Variants in MAPKBP1 observed in about 807,000 individuals in gnomAD.
MAPKBP1 encodes the protein mitogen-activated protein kinase-binding protein 1.
Under a neutral mutation model 170.5 loss-of-function variants are expected in MAPKBP1, and 71 were observed. The ratio of observed to expected loss-of-function variants is 0.42; its 90% CI spans 0.34 to 0.51. The LOEUF (loss-of-function observed/expected upper bound fraction) is 0.51, where lower values mean the gene tolerates loss of function less well. Ranked by LOEUF, MAPKBP1 falls within the 20% of genes least tolerant of loss-of-function variation. MAPKBP1 has a pLI of 0.06. For missense variants in MAPKBP1, 1,598 were observed against 1,933.0 expected (o/e 0.83, Z 3.25); for synonymous variants, 719 against 757.9 (o/e 0.95, Z 0.84).
chr15:41,811,951 C>T lies in MAPKBP1; in HGVS notation c.328-6C>T. On this transcript the variant is annotated splice_polypyrimidine_tract_variant and splice_region_variant and intron_variant, in intron 5 of 30. Coordinates refer to ENST00000457542, the MANE Select transcript of MAPKBP1 (RefSeq NM_014994.3). ...GAACTCACTTCCAGTTCTTGCCTCCCTGCAGAGTGGGCACATGCCTGCCGT... is the reference window on the plus strand; with the variant it reads ...GAACTCACTTCCAGTTCTTGCCTCCTTGCAGAGTGGGCACATGCCTGCCGT... The T allele has an allele frequency of 6.2e-7, 1 of 1,614,034 alleles. No individual in the cohort carries two copies. The highest frequency in any genetic ancestry group is 8.5e-7 in the Non-Finnish European group (1 of 1,179,962).
chr15:41,774,828 C>T (rs1263629355), intron 1 of MAPKBP1: 1 of 401,622 alleles, frequency 2.5e-6, no homozygotes, highest in Non-Finnish European at 4.4e-6. Context: ...GCGGAAATCC[C>T]TGGTGGTCTC....
intron 2 of MAPKBP1, among the ~76,000 whole-genome samples, chr15:41,790,880 G>A (rs2152071215): frequency 6.6e-6 from 1 of 152,302 alleles, no homozygotes; most frequent in East Asian, 1.9e-4. Context: ...CCATTCCCAG[G>A]TCTGGTCACT....
At position 41,813,667 on chromosome 15, in the gene MAPKBP1, G is replaced by A. The variant is rs1164031536; in HGVS notation, c.866G>A (p.Cys289Tyr). The change falls in exon 9 of 31, where the codon TGT becomes TAT. Residue 289 changes from cysteine to tyrosine, a missense_variant. Physicochemically the swap from Cys to Tyr is radical, Grantham distance 194. Coordinates refer to ENST00000457542, the MANE Select transcript of MAPKBP1 (RefSeq NM_014994.3). ...CISVSQDYIF[C>Y]GCADGTVRLF... is the part of the protein sequence containing the mutation. Reference sequence around the variant, plus strand: ...TCTGTGAGCCAAGACTACATCTTCTGTGGCTGTGCTGATGGCACCGTGCGC... The same window carrying A: ...TCTGTGAGCCAAGACTACATCTTCTATGGCTGTGCTGATGGCACCGTGCGC... The A allele has an allele frequency of 6.2e-7, 1 of 1,614,036 alleles. No individual in the cohort carries two copies. The highest frequency in any genetic ancestry group is 8.5e-7 in the Non-Finnish European group (1 of 1,180,028).
intron 2 of MAPKBP1, 125 bp downstream of exon 2, chr15:41,775,514 G>A (rs1308810575): frequency 1.4e-6 from 1 of 702,976 alleles, no homozygotes; most frequent in Non-Finnish European, 2.5e-6. Context: ...GATCACATAT[G>A]ATCTCTGCAG....
intron 7 of MAPKBP1, 110 bp downstream of exon 7, chr15:41,812,763 T>G (rs2152078875): frequency 6.8e-7 from 1 of 1,481,024 alleles, no homozygotes. Context: ...CCAGCAGTCA[T>G]GCAGAAGTTT....
chr15:41,811,480 G>C, intron 5 of MAPKBP1: 1 of 691,910 alleles, frequency 1.4e-6, no homozygotes, highest in African/African-American at 1.8e-5. Context: ...TCTGGGATGG[G>C]AGTCTGAAAT....
At chr15:41,790,974 C>A (rs748424272) in intron 2 of MAPKBP1, among the ~76,000 whole-genome samples, 1 of 152,174 alleles carries the variant, frequency 6.6e-6, no homozygotes, top group Non-Finnish European at 1.5e-5. Context: ...AGTGGCAGTT[C>A]TCAGAATCTG....
chr15:41,827,836 T>C lies in MAPKBP1; in HGVS notation c.*2400T>C. 1 of 403,016 alleles carries C rather than the reference T, an allele frequency of 2.5e-6. No individual in the cohort carries two copies. 25.0% of individuals were successfully genotyped at this position (403,016 alleles called of 1,614,324 possible). A position where few individuals can be genotyped will look rare whatever the true frequency, so the allele number is the denominator to read the frequency against. On this transcript the variant is annotated 3_prime_UTR_variant, in exon 31 of 31. Coordinates refer to ENST00000457542, the MANE Select transcript of MAPKBP1 (RefSeq NM_014994.3). ...TTGTACTGATGTATGAACTTGTCAATAAACACAATTGTTTGTTAACCCTGG... is the reference window on the plus strand; with the variant it reads ...TTGTACTGATGTATGAACTTGTCAACAAACACAATTGTTTGTTAACCCTGG...
rs1403574983 is a variant in MAPKBP1, at chr15:41,817,039, C to T, written c.1711+4C>T. 4.4e-6 allele frequency: 7 copies of T among 1,579,204 alleles called. No individual in the cohort carries two copies. Among genetic ancestry groups the T allele is most frequent in the African/African-American group, 2.7e-5 (2 of 74,088 alleles). On this transcript the variant is annotated splice_donor_region_variant and intron_variant, in intron 14 of 30. Transcript: ENST00000457542. This position sits in a 1 kb window ranked among gnomAD's most constrained non-coding sequence, Gnocchi z 4.2. ...ATCACTGCTGTTAAGTTTGCAGGTGCGGGCAGGGTGAATGAGACACATCCT... is the reference window on the plus strand; with the variant it reads ...ATCACTGCTGTTAAGTTTGCAGGTGTGGGCAGGGTGAATGAGACACATCCT...
intron 2 of MAPKBP1, among the ~76,000 whole-genome samples, chr15:41,788,022 A>G (rs1210373087): frequency 6.6e-6 from 1 of 152,114 alleles, no homozygotes. Flanking sequence ...CAGTGGCACT[A>G]TCTCAGCTCA....
chr15:41,781,399 G>GTTTT (rs71108134), intron 2 of MAPKBP1, among the ~76,000 whole-genome samples: 1 of 140,350 alleles, frequency 7.1e-6, no homozygotes, highest in Non-Finnish European at 1.5e-5. Context: ...GGGTTTTTTT[G>GTTTT]TTTTTTTTTT....
At chr15:41,822,834 G>A in intron 27 of MAPKBP1, 105 bp from the exon 28 acceptor site, 3 of 1,489,212 alleles carry the variant, frequency 2.0e-6, no homozygotes, top group Non-Finnish European at 2.7e-6. Context: ...ATCTGGCTTT[G>A]TGCTTGTTCT....
Position 41,786,656 on chromosome 15 carries a change from T to C in MAPKBP1, c.114+11267T>C, listed in dbSNP as rs2064296433. ...GGCGGGTGCCCGTAGTCCCAGCTAC[T>C]CAGGAGGCTGAGGCAAGAGAATGAC... On this transcript the variant is annotated intron_variant, in intron 2 of 30. Coordinates refer to ENST00000457542, the MANE Select transcript of MAPKBP1 (RefSeq NM_014994.3). 2.0e-5 allele frequency among the ~76,000 whole-genome samples: 3 copies of C among 148,426 alleles called. No homozygotes were observed. In the South Asian group the frequency reaches 6.4e-4, roughly 32 times the overall value.
intron 22 of MAPKBP1, 136 bp downstream of exon 22, chr15:41,819,786 G>GC: frequency 1.1e-6 from 1 of 899,858 alleles, no homozygotes; most frequent in Non-Finnish European, 1.7e-6. Context: ...TCCAAGGAAG[G>GC]CCTTGTCGGG....
rs772506940 is a variant in MAPKBP1 at position 41,822,724 on chromosome 15, C to T, written c.3314+47C>T. ...CAGCAGCAGCTCTGGCTCTCCTCGCCTCCCAGGGCTGCTGCCCTCTCCTCT... is the reference window on the plus strand; with the variant it reads ...CAGCAGCAGCTCTGGCTCTCCTCGCTTCCCAGGGCTGCTGCCCTCTCCTCT... On this transcript the variant is annotated intron_variant, in intron 27 of 30. Coordinates refer to ENST00000457542, the MANE Select transcript of MAPKBP1 (RefSeq NM_014994.3). 148 of 1,597,276 alleles carry T rather than the reference C, an allele frequency of 9.3e-5. No homozygotes were observed. The South Asian group carries it at 9.4e-4, about 10-fold the overall frequency.
In MAPKBP1 at chr15:41,774,530, G is replaced by A. The variant is rs1475204411; in HGVS notation, c.-190G>A. On this transcript the variant is annotated 5_prime_UTR_variant, in exon 1 of 31. Transcript: ENST00000457542. ...CTCCTGCTGCTGCCTCTACCGCTGC[G>A]GCTACCGCGGCGGAGCTGAAATTGC... 1 of 398,508 alleles carries A rather than the reference G, an allele frequency of 2.5e-6. No individual in the cohort carries two copies. The allele number at this position is 398,508 out of a possible 1,614,324, so 24.7% of individuals were successfully genotyped here. A position where few individuals can be genotyped will look rare whatever the true frequency, so the allele number is the denominator to read the frequency against.
At chr15:41,811,066 A>C (rs2064796258) in intron 4 of MAPKBP1, 112 bp from the exon 5 acceptor site, 1 of 1,526,656 alleles carries the variant, frequency 6.6e-7, no homozygotes, top group Non-Finnish European at 9.1e-7. Flanking sequence ...CAGATGGGGA[A>C]GTGCCACATG....
intron 3 of MAPKBP1, among the ~76,000 whole-genome samples, chr15:41,801,623 G>A (rs1288419416): frequency 3.3e-5 from 5 of 152,132 alleles, no homozygotes; most frequent in East Asian, 1.9e-4. Context: ...CAAGGTGGGC[G>A]GATCACTTGA....
At chr15:41,820,409 C>CT (rs2064975593) in intron 22 of MAPKBP1, among the ~76,000 whole-genome samples, 1 of 152,036 alleles carries the variant, frequency 6.6e-6, no homozygotes, top group African/African-American at 2.4e-5. Flanking sequence ...GGCCTTTGCC[C>CT]TGGGCTGGAT....
Sources: allele counts gnomAD v4.1 joint callset (sites outside exome capture counted in the v4.1 genomes callset), GRCh38; gene constraint gnomAD v4.1.1; non-coding constraint Gnocchi (gnomAD v3.1); transcripts MANE v1.5; gene names NCBI Gene and HGNC (gene_info 2026-07-23, HGNC 2026-07-21).